MTUS2: variants seen among roughly 807,000 people sequenced by gnomAD.
MTUS2 encodes microtubule associated scaffold protein 2.
In MTUS2, 40 loss-of-function variants were observed where a neutral mutation model predicts 114.1. That is an observed-to-expected ratio of 0.35 (90% CI 0.27 to 0.46). MTUS2 has a LOEUF of 0.46. Ranked by LOEUF, MTUS2 falls within the 20% of genes least tolerant of loss-of-function variation. The pLI, the probability that MTUS2 is intolerant of heterozygous loss-of-function variation, is 1.00. For synonymous variants in MTUS2, 688 were observed against 672.0 expected (o/e 1.02, Z -0.37); for missense variants, 1,679 against 1,705.4 (o/e 0.98, Z 0.27).
intron 7 of MTUS2, among the ~76,000 whole-genome samples, chr13:29,358,823 C>A (rs1042524279): frequency 6.6e-6 from 1 of 151,998 alleles, no homozygotes; most frequent in African/African-American, 2.4e-5. Flanking sequence ...GCCTCTACGG[C>A]GAAGAAAGGG....
intron 4 of MTUS2, among the ~76,000 whole-genome samples, chr13:29,054,895 C>T (rs1888061242): frequency 6.6e-6 from 1 of 151,930 alleles, no homozygotes; most frequent in African/African-American, 2.4e-5. Context: ...CTTAGATACT[C>T]TTCTGTTGAT....
intron 9 of MTUS2, among the ~76,000 whole-genome samples, chr13:29,455,083 T>C (rs1879007067): frequency 6.6e-6 from 1 of 152,022 alleles, no homozygotes; most frequent in Non-Finnish European, 1.5e-5. Flanking sequence ...GCGTGGGAGG[T>C]GTCCAGGTAG....
chr13:29,043,198 T>A (rs1887451720), intron 4 of MTUS2, among the ~76,000 whole-genome samples: 1 of 152,194 alleles, frequency 6.6e-6, no homozygotes, highest in Non-Finnish European at 1.5e-5. Context: ...GATGCAACAA[T>A]CTTTCAAGAG....
At chr13:28,863,760 T>TC (rs1359385226) in intron 2 of MTUS2, among the ~76,000 whole-genome samples, 2 of 152,198 alleles carry the variant, frequency 1.3e-5, no homozygotes, top group Non-Finnish European at 2.9e-5. Flanking sequence ...TGAAATGGTG[T>TC]CACCTTTTCT....
intron 2 of MTUS2, among the ~76,000 whole-genome samples, chr13:28,840,054 G>A (rs1028125142): frequency 6.7e-6 from 1 of 149,844 alleles, no homozygotes; most frequent in African/African-American, 2.5e-5. Context: ...AAAGCTGTGA[G>A]GAATCTAGTT....
In MTUS2 at chr13:29,435,284, A is replaced by G. The variant is rs868287914; in HGVS notation, c.3118-4699A>G. On this transcript the variant is annotated intron_variant, in intron 8 of 15. Transcript: ENST00000612955. Reference sequence around the variant, plus strand: ...CTATATCACCAGGACAGTTTGGATGATTAACACTGAGTTCTATTTTTAGCC... The same window carrying G: ...CTATATCACCAGGACAGTTTGGATGGTTAACACTGAGTTCTATTTTTAGCC... 2.6e-5 allele frequency among the ~76,000 whole-genome samples: 4 copies of G among 152,340 alleles called. No homozygotes were observed. The South Asian group carries it at 8.3e-4, about 32-fold the overall frequency.
chr13:28,873,885 T>A (rs2138110673), intron 2 of MTUS2, among the ~76,000 whole-genome samples: 1 of 152,360 alleles, frequency 6.6e-6, no homozygotes, highest in South Asian at 2.1e-4. Context: ...CTGTAAAAGT[T>A]CCAAGTGACA....
At chr13:29,193,359 T>G (rs1469763579) in intron 5 of MTUS2, among the ~76,000 whole-genome samples, 1 of 151,960 alleles carries the variant, frequency 6.6e-6, no homozygotes, top group Non-Finnish European at 1.5e-5. Context: ...GCTACAGTAG[T>G]CATGGATACT....
At chr13:29,009,034 G>T (rs1037310301) in intron 2 of MTUS2, among the ~76,000 whole-genome samples, 5 of 150,094 alleles carry the variant, frequency 3.3e-5, no homozygotes, top group Non-Finnish European at 7.4e-5. Context: ...TTTTTGGTGG[G>T]GAGTTCTAAT....
At chr13:29,440,964 T>C (rs1877798755) in intron 9 of MTUS2, among the ~76,000 whole-genome samples, 2 of 152,178 alleles carry the variant, frequency 1.3e-5, no homozygotes, top group African/African-American at 2.4e-5. Flanking sequence ...TCCCCAACCC[T>C]TTGTATTCCT....
At chr13:29,429,470 T>A (rs2138633320) in intron 8 of MTUS2, among the ~76,000 whole-genome samples, 2 of 152,330 alleles carry the variant, frequency 1.3e-5, no homozygotes, top group Middle Eastern at 3.4e-3. Flanking sequence ...AGAGAGAGTC[T>A]GAGGGTGTGT....
intron 5 of MTUS2, among the ~76,000 whole-genome samples, chr13:29,144,214 A>G (rs563024502): frequency 1.6e-4 from 24 of 152,314 alleles, no homozygotes; most frequent in African/African-American, 5.1e-4. Context: ...AAATTACAGA[A>G]ACTCAGTAGC....
intron 5 of MTUS2, among the ~76,000 whole-genome samples, chr13:29,159,682 A>G (rs1285588653): frequency 6.6e-6 from 1 of 152,184 alleles, no homozygotes; most frequent in Non-Finnish European, 1.5e-5. Context: ...CGTAGATAAG[A>G]GATATGAGCA....
intron 5 of MTUS2, among the ~76,000 whole-genome samples, chr13:29,192,553 C>A (rs774761575): frequency 1.3e-5 from 2 of 152,018 alleles, no homozygotes; most frequent in Non-Finnish European, 2.9e-5. Flanking sequence ...AGTAAATGTT[C>A]CCAACACAAA....
chr13:29,370,252 T>C (rs1871089432), intron 8 of MTUS2, among the ~76,000 whole-genome samples: 2 of 152,000 alleles, frequency 1.3e-5, no homozygotes, highest in South Asian at 4.2e-4. Flanking sequence ...CAAAAGTTGA[T>C]GTATTGGAAA....
At chr13:29,052,459 CAA>C (rs11325314) in intron 4 of MTUS2, among the ~76,000 whole-genome samples, 1,744 of 94,822 alleles carry the variant, frequency 0.018, 8 homozygotes, top group African/African-American at 0.041. Context: ...CTAGCCTGAG[CAA>C]AAAAAAAAAA....
At chr13:29,446,359 A>C (rs1295954683) in intron 9 of MTUS2, among the ~76,000 whole-genome samples, 1 of 152,170 alleles carries the variant, frequency 6.6e-6, no homozygotes, top group Non-Finnish European at 1.5e-5. Context: ...CATTTTAGGG[A>C]TCAGTCTACA....
chr13:28,912,074 G>C (rs1249920273), intron 2 of MTUS2, among the ~76,000 whole-genome samples: 2 of 151,842 alleles, frequency 1.3e-5, no homozygotes, highest in Non-Finnish European at 2.9e-5. Flanking sequence ...TGAAATCTTT[G>C]CCCATGCCTG....
At chr13:28,897,005 G>A (rs1263341977) in intron 2 of MTUS2, among the ~76,000 whole-genome samples, 1 of 152,180 alleles carries the variant, frequency 6.6e-6, no homozygotes, top group Non-Finnish European at 1.5e-5. Context: ...AGGACTTCAT[G>A]TCTAAAACAC....
Sources: allele counts gnomAD v4.1 joint callset (sites outside exome capture counted in the v4.1 genomes callset), GRCh38; gene constraint gnomAD v4.1.1; transcripts MANE v1.5; gene names NCBI Gene and HGNC (gene_info 2026-07-23, HGNC 2026-07-21).